The following SETD5 variants were observed in gnomAD, a reference collection of about 807,000 sequenced individuals.
SETD5 encodes SET domain containing 5.
A neutral mutation model predicts 153.3 loss-of-function variants in SETD5; 44 were observed. The ratio of observed to expected loss-of-function variants is 0.29; its 90% CI spans 0.23 to 0.37. SETD5 has a LOEUF of 0.37. SETD5 is among the 10% of genes least tolerant of loss of function. The probability of loss-of-function intolerance (pLI) is 1.00; values close to 1 mark genes in which losing one functional copy is unlikely to be tolerated. For missense variants in SETD5, 1,544 were observed against 1,768.0 expected, an observed-to-expected ratio of 0.87 and a Z score of 2.27; for synonymous variants, 716 against 645.2, an observed-to-expected ratio of 1.11 and a Z score of -1.66.
chr3:9,453,906 A>T lies in SETD5; in HGVS notation c.2476+38A>T. On this transcript the variant is annotated intron_variant, in intron 17 of 22. Coordinates refer to ENST00000402198, the MANE Select transcript of SETD5 (RefSeq NM_001080517.3). ...AACCTTTCTGATTATATGACCAATG[A>T]TTGTTTCAGGTCTGCATAAAAAATT... The T allele has an allele frequency of 2.0e-6, 3 of 1,479,978 alleles. No individual in the cohort carries two copies. The African/African-American group carries it at 4.3e-5, about 21-fold the overall frequency. 91.7% of individuals were successfully genotyped at this position (1,479,978 alleles called of 1,614,324 possible). A position where few individuals can be genotyped will look rare whatever the true frequency, so the allele number is the denominator to read the frequency against.
intron 17 of SETD5, 68 bp from the exon 18 acceptor site, chr3:9,464,357 T>A: frequency 2.6e-6 from 4 of 1,549,040 alleles, no homozygotes; most frequent in Non-Finnish European, 3.5e-6. Context: ...TACAGATTAA[T>A]GGCTTTACTG....
Position 9,464,427 on chromosome 3 carries a change from T to G in SETD5, c.2479T>G (p.Leu827Val). The change falls in exon 18 of 23, where the codon TTG becomes GTG. Residue 827 changes from leucine to valine, a missense_variant and splice_region_variant. Around this residue, in one of 9 missense-constraint regions of SETD5, gnomAD observed 782 missense variants for 787.2 expected, o/e 0.99. Coordinates refer to ENST00000402198, the MANE Select transcript of SETD5 (RefSeq NM_001080517.3). ...CATCCAAGCTTTGTGTTTCACAGACTTGTTGAGCCCATTAAAGAAATGGAA... is the reference window on the plus strand; with the variant it reads ...CATCCAAGCTTTGTGTTTCACAGACGTGTTGAGCCCATTAAAGAAATGGAA... ...SSSICKDNAD[L>V]LSPLKKWKSR... 1 of 1,608,368 alleles carries G rather than the reference T, an allele frequency of 6.2e-7. No individual in the cohort carries two copies. The highest frequency in any genetic ancestry group is 8.5e-7 in the Non-Finnish European group (1 of 1,175,138).
chr3:9,402,483 A>G (rs931432415), intron 1 of SETD5, among the ~76,000 whole-genome samples: 2 of 152,178 alleles, frequency 1.3e-5, no homozygotes, highest in Non-Finnish European at 2.9e-5. Flanking sequence ...ATATGAAGAC[A>G]GGGAAAGGAA....
intron 7 of SETD5, among the ~76,000 whole-genome samples, chr3:9,439,501 C>G (rs2041009729): frequency 6.6e-6 from 1 of 152,208 alleles, no homozygotes; most frequent in Non-Finnish European, 1.5e-5. Context: ...AGCTTTGGTA[C>G]TACAGTGTCT....
At chr3:9,439,104 T>C (rs942159115) in intron 7 of SETD5, among the ~76,000 whole-genome samples, 1 of 152,230 alleles carries the variant, frequency 6.6e-6, no homozygotes, top group Non-Finnish European at 1.5e-5. Flanking sequence ...GAATATTGTT[T>C]GGACACTGCC....
At chr3:9,471,934 A>T (rs1408825399) in intron 19 of SETD5, among the ~76,000 whole-genome samples, 4 of 152,166 alleles carry the variant, frequency 2.6e-5, no homozygotes, top group African/African-American at 9.7e-5. Flanking sequence ...TCTTTCCAAA[A>T]TTATTTCTAG....
chr3:9,409,891 T>C (rs1194046497), intron 1 of SETD5, among the ~76,000 whole-genome samples: 3 of 152,220 alleles, frequency 2.0e-5, no homozygotes, highest in Admixed American at 6.5e-5. Context: ...ATGTAATTTC[T>C]CTTTGTTTTG....
At position 9,447,115 on chromosome 3, in the gene SETD5, G is replaced by A; in HGVS notation, c.1590G>A (p.Lys530=). 6.2e-7 allele frequency: 1 copy of A among 1,613,842 alleles called. No individual in the cohort carries two copies. The highest frequency in any genetic ancestry group is 8.5e-7 in the Non-Finnish European group (1 of 1,179,786). The change falls in exon 14 of 23, where the codon AAG becomes AAA. Residue 530 remains lysine (K), a synonymous_variant. Transcript: ENST00000402198. ...TTGAAAACTTAGAGAAAAGAAAGAA[G>A]CGGCGGGATCAGCCCTTGGAACAGA... ...HAFENLEKRK[K]RRDQPLEQSN... is the part of the protein sequence containing the mutation.
At position 9,476,008 on chromosome 3, in the gene SETD5, C is replaced by G. The variant is rs746010610; in HGVS notation, c.4246C>G (p.His1416Asp). 1 of 1,614,038 alleles carries G rather than the reference C, an allele frequency of 6.2e-7. No individual in the cohort carries two copies. Among genetic ancestry groups the G allele is most frequent in the Admixed American group, 1.7e-5 (1 of 60,034 alleles). ...GGTTTCCAATTCACAGCACTACCCA[C>G]ACCGTGGGAGTGGGGGTGTGCACCA... is the stretch of plus-strand genomic sequence containing the variant. ...SAVSNSQHYP[H>D]RGSGGVHQYR... Residue 1416 changes from histidine to aspartate, a missense_variant, in exon 23 of 23, where the codon CAC becomes GAC. Coordinates refer to ENST00000402198, the MANE Select transcript of SETD5 (RefSeq NM_001080517.3).
At chr3:9,431,577 A>G in intron 3 of SETD5, 2 of 985,706 alleles carry the variant, frequency 2.0e-6, no homozygotes, top group Non-Finnish European at 2.4e-6. Flanking sequence ...TTTCTTCATC[A>G]GAAGATATGA....
At chr3:9,465,831 C>T (rs1188208929) in intron 18 of SETD5, among the ~76,000 whole-genome samples, 1 of 152,138 alleles carries the variant, frequency 6.6e-6, no homozygotes, top group Non-Finnish European at 1.5e-5. Flanking sequence ...CTGATTCAGG[C>T]CTTTCTAACT....
At chr3:9,429,240 A>C (rs968835207) in intron 3 of SETD5, 12 of 288,510 alleles carry the variant, frequency 4.2e-5, no homozygotes, top group Non-Finnish European at 7.8e-5. Context: ...AATAGAACCA[A>C]AGTTGCAAAG....
At chr3:9,415,588 T>A (rs6767213) in intron 1 of SETD5, among the ~76,000 whole-genome samples, 17,702 of 152,172 alleles carry the variant, frequency 0.12, 1,407 homozygotes, top group Non-Finnish European at 0.18. Context: ...TTATTATTAT[T>A]TTTTTAATTT....
At chr3:9,435,274 C>A (rs965739880) in intron 6 of SETD5, among the ~76,000 whole-genome samples, 22 of 150,002 alleles carry the variant, frequency 1.5e-4, no homozygotes, top group African/African-American at 5.4e-4. Context: ...AAGAACCCCT[C>A]TTACAAGTTC....
At chr3:9,443,473 A>C in intron 11 of SETD5, 56 bp downstream of exon 11, 2 of 946,272 alleles carry the variant, frequency 2.1e-6, no homozygotes, top group South Asian at 3.1e-5. Flanking sequence ...ATATTAAGCT[A>C]TTCACTCTAT....
At chr3:9,473,786 C>G (rs1202705614) in intron 20 of SETD5, among the ~76,000 whole-genome samples, 1 of 152,202 alleles carries the variant, frequency 6.6e-6, no homozygotes. Context: ...GTTATGGATG[C>G]AGATGAGCTC....
chr3:9,454,908 C>G (rs1033683537), intron 17 of SETD5, among the ~76,000 whole-genome samples: 6 of 151,680 alleles, frequency 4.0e-5, no homozygotes, highest in Non-Finnish European at 8.8e-5. Flanking sequence ...ATCAAAATAC[C>G]AAAGTAAATT....
intron 17 of SETD5, among the ~76,000 whole-genome samples, chr3:9,462,586 C>CAA (rs111829236): frequency 6.1e-5 from 5 of 81,718 alleles, no homozygotes; most frequent in Non-Finnish European, 9.6e-5. Context: ...GAGTCCGTCT[C>CAA]AAAAAAAAAA....
chr3:9,404,419 T>C (rs2035337559), intron 1 of SETD5, among the ~76,000 whole-genome samples: 1 of 152,182 alleles, frequency 6.6e-6, no homozygotes, highest in Non-Finnish European at 1.5e-5. Flanking sequence ...TTTTGAGTAA[T>C]TAATTATTAT....
Sources: allele counts gnomAD v4.1 joint callset (sites outside exome capture counted in the v4.1 genomes callset), GRCh38; gene constraint gnomAD v4.1.1; regional missense constraint gnomAD v4.1.1; transcripts MANE v1.5; gene names NCBI Gene and HGNC (gene_info 2026-07-23, HGNC 2026-07-21).